Variants in ATXN7 observed in about 807,000 individuals in gnomAD.
The protein encoded by ATXN7 is ataxin 7.
A neutral mutation model predicts 70.5 loss-of-function variants in ATXN7; 12 were observed. That is an observed-to-expected ratio of 0.17 (90% CI 0.11 to 0.28). The LOEUF is 0.28. ATXN7 is among the 10% of genes least tolerant of loss of function. The pLI is 1.00. For synonymous variants in ATXN7, 498 were observed against 448.7 expected, an observed-to-expected ratio of 1.11 and a Z score of -1.39; for missense variants, 1,256 against 1,131.7, an observed-to-expected ratio of 1.11 and a Z score of -1.58.
intron 1 of ATXN7, among the ~76,000 whole-genome samples, chr3:63,883,117 T>G (rs1331175273): frequency 2.6e-5 from 4 of 152,202 alleles, no homozygotes; most frequent in African/African-American, 7.2e-5. Flanking sequence ...GCAGTTCTGC[T>G]GGAAGGGAAA....
chr3:63,978,983 T>G (rs1179768843), intron 5 of ATXN7, among the ~76,000 whole-genome samples: 1 of 152,190 alleles, frequency 6.6e-6, no homozygotes, highest in Non-Finnish European at 1.5e-5. Context: ...AAACTTAGAG[T>G]TAAGCAAATG....
Position 63,999,606 on chromosome 3 carries a change from G to A in ATXN7, c.*139G>A, listed in dbSNP as rs528224210. On this transcript the variant is annotated 3_prime_UTR_variant, in exon 13 of 13. Coordinates refer to ENST00000674280, the MANE Select transcript of ATXN7 (RefSeq NM_001377405.1). ...TGGGCCTCAAGGGTAGAAACCTGCC[G>A]GGCTGTTGTTTTAACGAGGATTTCC... 1.7e-5 allele frequency: 25 copies of A among 1,473,622 alleles called. No individual in the cohort carries two copies. Among genetic ancestry groups the A allele is most frequent in the Admixed American group, 7.8e-5 (4 of 51,054 alleles). The allele number at this position is 1,473,622 out of a possible 1,614,324, so 91.3% of individuals were successfully genotyped here. A position where few individuals can be genotyped will look rare whatever the true frequency, so the allele number is the denominator to read the frequency against.
intron 4 of ATXN7, among the ~76,000 whole-genome samples, chr3:63,923,194 CTAGA>C (rs1359017709): frequency 6.6e-6 from 1 of 152,142 alleles, no homozygotes; most frequent in Non-Finnish European, 1.5e-5. Flanking sequence ...TCATGCTAGG[CTAGA>C]TAAAGTCTGA....
At chr3:63,986,542 C>A (rs563628966) in intron 8 of ATXN7, among the ~76,000 whole-genome samples, 3 of 152,250 alleles carry the variant, frequency 2.0e-5, no homozygotes, top group South Asian at 2.1e-4. Context: ...TTTCAACACA[C>A]GTTGGAGGGC....
intron 1 of ATXN7, among the ~76,000 whole-genome samples, chr3:63,893,703 T>C (rs563463275): frequency 1.3e-5 from 2 of 152,346 alleles, no homozygotes; most frequent in African/African-American, 4.8e-5. Flanking sequence ...ACAATTGGCC[T>C]TGGCTCCCTC....
intron 9 of ATXN7, 83 bp downstream of exon 9, chr3:63,988,407 T>C: frequency 6.5e-7 from 1 of 1,529,274 alleles, no homozygotes; most frequent in Non-Finnish European, 8.9e-7. Flanking sequence ...GGTCATGCTG[T>C]TGAGAAACAT....
chr3:63,950,571 CAG>C (rs772899842), intron 4 of ATXN7, among the ~76,000 whole-genome samples: 1 of 152,160 alleles, frequency 6.6e-6, no homozygotes, highest in Non-Finnish European at 1.5e-5. Flanking sequence ...TTAGATGTAT[CAG>C]AGGCATTTAG....
intron 1 of ATXN7, among the ~76,000 whole-genome samples, chr3:63,865,684 G>T (rs371400789): frequency 6.6e-6 from 1 of 151,848 alleles, no homozygotes; most frequent in African/African-American, 2.4e-5. Flanking sequence ...GAGGTCAAGA[G>T]ATCGAGACCA....
chr3:63,958,687 A>G (rs1313276452), intron 5 of ATXN7, among the ~76,000 whole-genome samples: 2 of 152,196 alleles, frequency 1.3e-5, no homozygotes, highest in Admixed American at 1.3e-4. Context: ...TAAGTATGCT[A>G]AATTTAAGTC....
At chr3:63,995,482 C>G in intron 11 of ATXN7, 23 bp from the exon 12 acceptor site, 1 of 1,612,960 alleles carries the variant, frequency 6.2e-7, no homozygotes, top group Non-Finnish European at 8.5e-7. Context: ...CAGTGTCATT[C>G]ACTGTCCTCT....
chr3:63,998,642 G>C, intron 12 of ATXN7: 1 of 985,352 alleles, frequency 1.0e-6, no homozygotes, highest in Non-Finnish European at 1.2e-6. Context: ...CACAAATCCT[G>C]GGGCAAGAGC....
chr3:63,988,175 TCAG>T lies in ATXN7; in HGVS notation c.1215_1217del (p.Gln406del), dbSNP rs1559658786. The T allele has an allele frequency of 6.2e-7, 1 of 1,613,996 alleles. No homozygotes were observed. The highest frequency in any genetic ancestry group is 2.2e-5 in the East Asian group (1 of 44,872). ...AGGAATTGATTCGCCATCCGGACTC[TCAG>T]CAACCACCGCAGCCTCTCAGGGACC... is the stretch of plus-strand genomic sequence containing the variant. On this transcript the variant is annotated inframe_deletion, in exon 9 of 13. Transcript: ENST00000674280.
chr3:63,940,210 G>C (rs2074731655), intron 4 of ATXN7, among the ~76,000 whole-genome samples: 1 of 151,806 alleles, frequency 6.6e-6, no homozygotes, highest in South Asian at 2.1e-4. Flanking sequence ...CTAACCTGGA[G>C]GCTGTATACA....
intron 4 of ATXN7, among the ~76,000 whole-genome samples, chr3:63,941,278 G>C (rs1366268409): frequency 7.2e-5 from 11 of 152,082 alleles, no homozygotes. Flanking sequence ...GCACCAGTCT[G>C]TCAGTGGCCT....
At chr3:63,963,149 G>A (rs186097647) in intron 5 of ATXN7, among the ~76,000 whole-genome samples, 1 of 151,848 alleles carries the variant, frequency 6.6e-6, no homozygotes, top group Non-Finnish European at 1.5e-5. Context: ...CTCCTGGGCT[G>A]AAGCAATCCA....
At position 64,001,661 on chromosome 3, in the gene ATXN7, C is replaced by T. The variant is rs917103854; in HGVS notation, c.*2194C>T. On this transcript the variant is annotated 3_prime_UTR_variant, in exon 13 of 13. Transcript: ENST00000674280. ...TTAGACTGAGGTTTTAAATGAATTT[C>T]ATTATTTCTCCCGGTAATACACAGA... The T allele has an allele frequency of 5.3e-5, 8 of 152,158 alleles. No individual in the cohort carries two copies. Among genetic ancestry groups the T allele is most frequent in the African/African-American group, 1.9e-4 (8 of 41,430 alleles). 9.4% of individuals were successfully genotyped at this position (152,158 alleles called of 1,614,324 possible).
At chr3:63,863,734 C>T, upstream of ATXN7, 1 of 1,248,834 alleles carries the variant, frequency 8.0e-7, no homozygotes, top group Non-Finnish European at 1.0e-6. Flanking sequence ...CCCAGCGGGC[C>T]GTGCAGCGGG....
At chr3:63,924,317 T>C (rs1370857466) in intron 4 of ATXN7, among the ~76,000 whole-genome samples, 1 of 152,132 alleles carries the variant, frequency 6.6e-6, no homozygotes, top group Admixed American at 6.5e-5. Flanking sequence ...TGTGCGGCTG[T>C]GGTGTCAGCA....
chr3:63,984,171 A>G (rs1369906205), intron 8 of ATXN7, among the ~76,000 whole-genome samples: 1 of 151,678 alleles, frequency 6.6e-6, no homozygotes, highest in Non-Finnish European at 1.5e-5. Context: ...CTTTTTGGGG[A>G]AAAGGGTTGG....
Sources: gnomAD v4.1 joint callset for allele counts (sites outside exome capture counted in the v4.1 genomes callset) on GRCh38, gnomAD v4.1.1 for gene constraint, MANE v1.5 for transcripts, NCBI Gene and HGNC (gene_info 2026-07-23, HGNC 2026-07-21) for gene names.